GOLGB1: variants seen among roughly 807,000 people sequenced by gnomAD.
GOLGB1 encodes the protein golgin B1.
A neutral mutation model predicts 336.9 loss-of-function variants in GOLGB1; 174 were observed. The observed-to-expected ratio is 0.52, with a 90% CI of 0.46 to 0.59. GOLGB1 has a LOEUF of 0.59. Ranked by LOEUF, GOLGB1 falls within the 20% of genes least tolerant of loss-of-function variation. GOLGB1 has a pLI of 0.00. For synonymous variants in GOLGB1, 1,208 were observed against 1,289.2 expected (o/e 0.94, Z 1.35); for missense variants, 3,331 against 3,645.3 (o/e 0.91, Z 2.22).
At chr3:121,734,470 C>T (rs1446535240) in intron 1 of GOLGB1, among the ~76,000 whole-genome samples, 1 of 150,486 alleles carries the variant, frequency 6.6e-6, no homozygotes, top group Non-Finnish European at 1.5e-5. Context: ...TAACTTGTAT[C>T]CAGAATCTAA....
chr3:121,711,541 AT>A (rs1944359723), intron 10 of GOLGB1, among the ~76,000 whole-genome samples: 1 of 152,154 alleles, frequency 6.6e-6, no homozygotes, highest in Non-Finnish European at 1.5e-5. Context: ...AAGAAGTAAA[AT>A]TTGTCTTTAT....
intron 10 of GOLGB1, among the ~76,000 whole-genome samples, chr3:121,713,030 C>T (rs895361052): frequency 9.2e-5 from 14 of 151,922 alleles, no homozygotes; most frequent in South Asian, 2.1e-4. Context: ...GGTGTGGTGG[C>T]GGGTACCTGT....
intron 10 of GOLGB1, 98 bp from the exon 11 acceptor site, chr3:121,702,693 T>C (rs1364771798): frequency 4.7e-4 from 213 of 451,496 alleles, no homozygotes; most frequent in East Asian, 1.7e-4. Context: ...CTAGAAGTTC[T>C]CCAGCCATGA....
At chr3:121,740,902 C>T (rs1946808895) in intron 1 of GOLGB1, among the ~76,000 whole-genome samples, 1 of 151,674 alleles carries the variant, frequency 6.6e-6, no homozygotes, top group African/African-American at 2.4e-5. Context: ...AATGTCAACT[C>T]AGAATGACCA....
intron 1 of GOLGB1, among the ~76,000 whole-genome samples, chr3:121,732,742 G>A (rs1296411152): frequency 6.6e-6 from 1 of 151,768 alleles, no homozygotes; most frequent in African/African-American, 2.4e-5. Context: ...CCTAATAAAG[G>A]GCATCTTTAA....
chr3:121,743,723 T>C (rs1560343373), intron 1 of GOLGB1, among the ~76,000 whole-genome samples: 1 of 152,096 alleles, frequency 6.6e-6, no homozygotes, highest in South Asian at 2.1e-4. Flanking sequence ...ACACCAGAAA[T>C]AGTTGCTATT....
rs1424235577 is a variant in GOLGB1, at chr3:121,664,267, C to T, written c.*213G>A. 1.7e-6 allele frequency: 1 copy of T among 573,562 alleles called. No individual in the cohort carries two copies. Among genetic ancestry groups the T allele is most frequent in the Non-Finnish European group, 3.1e-6 (1 of 318,118 alleles). The allele number at this position is 573,562 out of a possible 1,614,324, so 35.5% of individuals were successfully genotyped here. A position where few individuals can be genotyped will look rare whatever the true frequency, so the allele number is the denominator to read the frequency against. The stretch of plus-strand genomic sequence containing the variant: ...GATTCTCAGATTAAGCAGAAGCGTT[C>T]AGGCTCAGGGCAGTAGAAGAAAGCA... On this transcript the variant is annotated 3_prime_UTR_variant, in exon 22 of 22. Transcript: ENST00000614479.
chr3:121,740,159 G>A (rs1946753689), intron 1 of GOLGB1, among the ~76,000 whole-genome samples: 1 of 152,022 alleles, frequency 6.6e-6, no homozygotes, highest in Non-Finnish European at 1.5e-5. Context: ...GTGGATACAG[G>A]AACCTACACA....
chr3:121,706,439 A>G (rs2107976114), intron 10 of GOLGB1, among the ~76,000 whole-genome samples: 1 of 152,208 alleles, frequency 6.6e-6, no homozygotes, highest in South Asian at 2.1e-4. Context: ...ATTTCTTATT[A>G]AAAACAAAAT....
chr3:121,701,220 C>G (rs1349755420), intron 11 of GOLGB1, among the ~76,000 whole-genome samples: 1 of 152,084 alleles, frequency 6.6e-6, no homozygotes, highest in Non-Finnish European at 1.5e-5. Context: ...CAGGAAAGAG[C>G]AAAGGAATGG....
intron 20 of GOLGB1, among the ~76,000 whole-genome samples, chr3:121,666,078 A>G (rs1938572264): frequency 6.6e-6 from 1 of 152,224 alleles, no homozygotes; most frequent in South Asian, 2.1e-4. Flanking sequence ...CAGTCTGTCA[A>G]TGTAGGCTAT....
At position 121,692,042 on chromosome 3, in the gene GOLGB1, T is replaced by C. The variant is rs1236758291; in HGVS notation, c.7322A>G (p.Asp2441Gly). ...VLEEENKKAV[D>G]KTNQLMETLK... ...TGTTTCCATAAGCTGATTGGTTTTATCAACAGCCTTTTTGTTCTCCTCTTC... is the reference window on the plus strand; with the variant it reads ...TGTTTCCATAAGCTGATTGGTTTTACCAACAGCCTTTTTGTTCTCCTCTTC... The change falls in exon 14 of 22, where the codon GAT becomes GGT. Residue 2441 changes from aspartate (D) to glycine (G), a missense_variant. Transcript: ENST00000614479. The C allele has an allele frequency of 6.2e-7, 1 of 1,612,766 alleles. No individual in the cohort carries two copies. Among genetic ancestry groups the C allele is most frequent in the Non-Finnish European group, 8.5e-7 (1 of 1,179,726 alleles).
At chr3:121,724,291 A>G (rs1339227883) in intron 5 of GOLGB1, among the ~76,000 whole-genome samples, 3 of 152,212 alleles carry the variant, frequency 2.0e-5, no homozygotes, top group Non-Finnish European at 4.4e-5. Flanking sequence ...TGATAGAAAC[A>G]TAAATAGTAA....
chr3:121,719,868 T>C (rs368139425), intron 6 of GOLGB1, 100 bp from the exon 7 acceptor site: 3 of 1,022,380 alleles, frequency 2.9e-6, no homozygotes, highest in Middle Eastern at 2.2e-4. Flanking sequence ...TGAGACTTGA[T>C]AGTAGCTTTT....
At position 121,691,453 on chromosome 3, in the gene GOLGB1, G is replaced by A; in HGVS notation, c.7911C>T (p.Ala2637=). The A allele has an allele frequency of 1.2e-6, 2 of 1,613,604 alleles. No homozygotes were observed. The highest frequency in any genetic ancestry group is 1.1e-5 in the South Asian group (1 of 91,056). ...CCTCTTCTTCTTTTACTTTTAACTG[G>A]GCATGATAGAGTCCTAAAGTACCTT... ...QEEGTLGLYH[A]QLKVKEEEVH... is the part of the protein sequence containing the mutation. The change falls in exon 14 of 22, where the codon GCC becomes GCT. Residue 2637 remains alanine (A), a synonymous_variant. Transcript: ENST00000614479.
intron 17 of GOLGB1, among the ~76,000 whole-genome samples, chr3:121,672,064 CTA>C (rs1939618949): frequency 6.6e-6 from 1 of 152,112 alleles, no homozygotes; most frequent in Admixed American, 6.5e-5. Context: ...TACATTGATT[CTA>C]TGTTTTGTTT....
chr3:121,715,118 T>C, intron 9 of GOLGB1, 142 bp from the exon 10 acceptor site: 1 of 578,054 alleles, frequency 1.7e-6, no homozygotes, highest in Non-Finnish European at 3.0e-6. Flanking sequence ...AACATTATTA[T>C]TAGCTAAATG....
intron 14 of GOLGB1, 33 bp from the exon 15 acceptor site, chr3:121,681,898 G>C (rs757466402): frequency 2.8e-6 from 4 of 1,436,110 alleles, no homozygotes; most frequent in Non-Finnish European, 2.9e-6. Context: ...ATGATTATTT[G>C]TCACATCTCA....
chr3:121,725,157 T>C (rs575035371), intron 5 of GOLGB1, among the ~76,000 whole-genome samples: 2 of 150,322 alleles, frequency 1.3e-5, no homozygotes, highest in East Asian at 2.0e-4. Flanking sequence ...CCCTGCAGAG[T>C]CCCCACTAGA....
Sources: allele counts gnomAD v4.1 joint callset (sites outside exome capture counted in the v4.1 genomes callset), GRCh38; gene constraint gnomAD v4.1.1; transcripts MANE v1.5; gene names NCBI Gene and HGNC (gene_info 2026-07-23, HGNC 2026-07-21).